Variants in TSPAN4 observed in about 807,000 individuals in gnomAD.
TSPAN4 encodes tetraspanin 4, also known as tetraspanin-4.
TSPAN4 carries 38 observed loss-of-function variants against 31.5 expected under a neutral mutation model. The observed-to-expected ratio is 1.21, with a 90% CI of 0.93 to 1.58. The LOEUF (loss-of-function observed/expected upper bound fraction) is 1.58, where lower values mean the gene tolerates loss of function less well. Ranked by LOEUF, TSPAN4 falls within the 40% of genes most tolerant of loss-of-function variation. The pLI is 0.00. For missense variants in TSPAN4, 330 were observed against 317.3 expected, an observed-to-expected ratio of 1.04 and a Z score of -0.30; for synonymous variants, 186 against 144.6, an observed-to-expected ratio of 1.29 and a Z score of -2.06.
In TSPAN4 at chr11:848,044, C is replaced by A. The variant is rs76300890; in HGVS notation, c.-18+744C>A. 1.7e-4 allele frequency among the ~76,000 whole-genome samples: 26 copies of A among 152,334 alleles called. No individual in the cohort carries two copies. Among genetic ancestry groups the A allele is most frequent in the Admixed American group, 4.6e-4 (7 of 15,310 alleles). On this transcript the variant is annotated intron_variant, in intron 2 of 8. Coordinates refer to ENST00000397397, the MANE Select transcript of TSPAN4 (RefSeq NM_003271.5). This position sits in a 1 kb window ranked among gnomAD's most constrained non-coding sequence, Gnocchi z 5.7. ...GTGGCACCTGCCCTTGCCTGGCCCA[C>A]GAGTAGGTGCTCTGAGCGCTGCCCA...
rs932436961 is a variant in TSPAN4 at position 842,902 on chromosome 11, A to C, written c.-131A>C. 19 of 161,120 alleles carry C rather than the reference A, an allele frequency of 1.2e-4. No homozygotes were observed. The highest frequency in any genetic ancestry group is 2.3e-4 in the Non-Finnish European group (17 of 74,306). 10.0% of individuals were successfully genotyped at this position (161,120 alleles called of 1,614,324 possible). ...GGCGGGAGCGGGCGGCGCGAGCGGG[A>C]GGCGGCGGCGCAGGTACTGCGCCTG... On this transcript the variant is annotated 5_prime_UTR_variant, in exon 1 of 9. Transcript: ENST00000397397.
chr11:861,256 C>T (rs1022988058), intron 3 of TSPAN4, among the ~76,000 whole-genome samples: 10 of 152,232 alleles, frequency 6.6e-5, no homozygotes, highest in Non-Finnish European at 8.8e-5. Flanking sequence ...GGTGGCCCTC[C>T]GGGTGGCAGG....
intron 3 of TSPAN4, among the ~76,000 whole-genome samples, chr11:860,342 C>T (rs1380211611): frequency 6.6e-6 from 1 of 152,230 alleles, no homozygotes; most frequent in Non-Finnish European, 1.5e-5. Context: ...GGCCCTTGGG[C>T]AGGGAGCTGT....
chr11:858,654 G>T (rs1848206377), intron 3 of TSPAN4: 1 of 117,582 alleles, frequency 8.5e-6, no homozygotes, highest in South Asian at 2.4e-4. Flanking sequence ...CACACACCCT[G>T]CTCACCCAGT....
At chr11:855,966 G>C (rs1284158674) in intron 3 of TSPAN4, among the ~76,000 whole-genome samples, 2 of 152,210 alleles carry the variant, frequency 1.3e-5, no homozygotes, top group African/African-American at 2.4e-5. Flanking sequence ...CTGAGAGCTG[G>C]CCAGCGTGGC....
intron 3 of TSPAN4, chr11:857,410 T>TTTG (rs1554991647): frequency 1.4e-5 from 2 of 143,422 alleles, no homozygotes; most frequent in Non-Finnish European, 3.0e-5. Context: ...GTTTTTTTTT[T>TTTG]TTTTTTTTTT....
At chr11:862,340 G>T in intron 3 of TSPAN4, 1 of 563,442 alleles carries the variant, frequency 1.8e-6, no homozygotes, top group Non-Finnish European at 3.1e-6. Flanking sequence ...GTGGGTTTGG[G>T]GATGGGGTGC....
rs900213140 is a variant in TSPAN4, at chr11:866,544, C to G, written c.649-18C>G. ...GCCTGTGGAGCTGCCATGCCCAGTC[C>G]TCCTCCCCTACCTACAGATCCTGGG... On this transcript the variant is annotated intron_variant, in intron 8 of 8. Transcript: ENST00000397397. The G allele has an allele frequency of 3.1e-6, 5 of 1,611,592 alleles. No homozygotes were observed. Among genetic ancestry groups the G allele is most frequent in the Non-Finnish European group, 4.2e-6 (5 of 1,178,844 alleles).
chr11:855,345 G>A (rs992202773), intron 3 of TSPAN4, among the ~76,000 whole-genome samples: 1 of 152,216 alleles, frequency 6.6e-6, no homozygotes, highest in African/African-American at 2.4e-5. Context: ...GATGTGAGCC[G>A]TGGTCCTGGC....
At chr11:859,255 T>C (rs1589782481) in intron 3 of TSPAN4, among the ~76,000 whole-genome samples, 1 of 34,828 alleles carries the variant, frequency 2.9e-5, no homozygotes, top group Admixed American at 4.3e-4. Context: ...ACACCCCCAC[T>C]CACACACACC....
chr11:849,509 G>A (rs1183022493), intron 2 of TSPAN4, among the ~76,000 whole-genome samples: 1 of 152,166 alleles, frequency 6.6e-6, no homozygotes, highest in Admixed American at 6.5e-5. Context: ...GTACCGTGGG[G>A]GGAAGGGCTG....
chr11:856,596 C>T (rs888635994), intron 3 of TSPAN4, among the ~76,000 whole-genome samples: 1 of 152,234 alleles, frequency 6.6e-6, no homozygotes, highest in Non-Finnish European at 1.5e-5. Flanking sequence ...TCAGCCTATT[C>T]CTATTTGTAT....
At position 865,622 on chromosome 11, in the gene TSPAN4, G is replaced by T. The variant is rs199963813; in HGVS notation, c.432+8G>T. 6.2e-7 allele frequency: 1 copy of T among 1,612,654 alleles called. No homozygotes were observed. The highest frequency in any genetic ancestry group is 1.3e-5 in the African/African-American group (1 of 74,924). On this transcript the variant is annotated splice_region_variant and intron_variant, in intron 6 of 8. Transcript: ENST00000397397. ...AGCATCATCCAGACCGACGTGAGGC[G>T]TGGGCAGGTGGGCGGGGTCGGCGGG...
At chr11:866,114 G>A (rs1002462357) in intron 8 of TSPAN4, 113 bp downstream of exon 8, 59 of 1,197,812 alleles carry the variant, frequency 4.9e-5, no homozygotes, top group African/African-American at 7.6e-5. Flanking sequence ...GGGGGAGGCC[G>A]GGGCAAAAGC....
At chr11:857,996 CCT>C (rs1848156578) in intron 3 of TSPAN4, 2 of 152,366 alleles carry the variant, frequency 1.3e-5, no homozygotes, top group Admixed American at 6.5e-5. Context: ...CCCCTGGTGC[CCT>C]GTCTGCCCCT....
At chr11:849,724 G>A (rs1847524339) in intron 2 of TSPAN4, 1 of 150,520 alleles carries the variant, frequency 6.6e-6, no homozygotes, top group African/African-American at 2.4e-5. Flanking sequence ...GCGGAGCGCT[G>A]GGGTTTGCCG....
chr11:866,091 G>A, intron 8 of TSPAN4, 90 bp downstream of exon 8: 2 of 1,420,630 alleles, frequency 1.4e-6, no homozygotes, highest in Non-Finnish European at 1.9e-6. Flanking sequence ...CTTGCCCCCA[G>A]GAACCCACGA....
intron 2 of TSPAN4, among the ~76,000 whole-genome samples, chr11:849,551 G>A (rs1279855054): frequency 1.3e-5 from 2 of 152,130 alleles, no homozygotes; most frequent in Non-Finnish European, 2.9e-5. Context: ...GAGCTGCCCA[G>A]GTTTCATCCC....
chr11:866,491 CAG>C, intron 8 of TSPAN4, 69 bp from the exon 9 acceptor site: 1 of 1,471,214 alleles, frequency 6.8e-7, no homozygotes, highest in Non-Finnish European at 9.3e-7. Context: ...CTGCTGAGGA[CAG>C]GGACTGCTCT....
Sources: allele counts gnomAD v4.1 joint callset (sites outside exome capture counted in the v4.1 genomes callset), GRCh38; gene constraint gnomAD v4.1.1; non-coding constraint Gnocchi (gnomAD v3.1); transcripts MANE v1.5; gene names NCBI Gene and HGNC (gene_info 2026-07-23, HGNC 2026-07-21).